The following MYO5B variants were observed in gnomAD, a reference collection of about 807,000 sequenced individuals.
MYO5B encodes myosin VB.
MYO5B carries 143 observed loss-of-function variants against 229.3 expected under a neutral mutation model. The observed-to-expected ratio is 0.62, with a 90% CI of 0.54 to 0.72. MYO5B has a LOEUF of 0.72. Ranked by LOEUF, MYO5B falls within the 30% of genes least tolerant of loss-of-function variation. The pLI, the probability that MYO5B is intolerant of heterozygous loss-of-function variation, is 0.00. For synonymous variants in MYO5B, 918 were observed against 885.2 expected, an observed-to-expected ratio of 1.04 and a Z score of -0.66; for missense variants, 2,321 against 2,331.0, an observed-to-expected ratio of 1.00 and a Z score of 0.09.
chr18:50,139,726 A>G (rs933450620), intron 1 of MYO5B, among the ~76,000 whole-genome samples: 4 of 152,258 alleles, frequency 2.6e-5, no homozygotes, highest in Middle Eastern at 3.4e-3. Flanking sequence ...TTCTATCCAC[A>G]TGTCCCGAGA....
chr18:50,176,507 T>C (rs577125631), intron 1 of MYO5B, among the ~76,000 whole-genome samples: 66 of 152,320 alleles, frequency 4.3e-4, no homozygotes, highest in Non-Finnish European at 7.1e-4. Flanking sequence ...GCTGTAAAAA[T>C]AGTTGCCACT....
rs758453555 is a variant in MYO5B, at chr18:50,040,331, A to G, written c.139-17T>C. On this transcript the variant is annotated splice_polypyrimidine_tract_variant and intron_variant, in intron 2 of 39. Transcript: ENST00000285039. ...TTCCAGAATCTAAAGACATGCAAGTAGCAGACACAAAAAGGTGGTTATGAA... is the reference window on the plus strand; with the variant it reads ...TTCCAGAATCTAAAGACATGCAAGTGGCAGACACAAAAAGGTGGTTATGAA... The G allele has an allele frequency of 3.7e-6, 6 of 1,613,308 alleles. No homozygotes were observed. In the Middle Eastern group the frequency reaches 8.3e-4, roughly 222 times the overall value.
At position 49,822,876 on chromosome 18, in the gene MYO5B, C is replaced by A. The variant is rs1208467256; in HGVS notation, c.*3595G>T. Reference sequence around the variant, plus strand: ...CAGCTAAATATTACAGTGACTATTACAAGCATTTTTCTATAAACAAAGGTG... The same window carrying A: ...CAGCTAAATATTACAGTGACTATTAAAAGCATTTTTCTATAAACAAAGGTG... On this transcript the variant is annotated 3_prime_UTR_variant, in exon 40 of 40. Transcript: ENST00000285039. The A allele has an allele frequency of 6.6e-6, 1 of 152,210 alleles. No individual in the cohort carries two copies. Among genetic ancestry groups the A allele is most frequent in the Non-Finnish European group, 1.5e-5 (1 of 68,036 alleles). The allele number at this position is 152,210 out of a possible 1,614,324, so 9.4% of individuals were successfully genotyped here. A position where few individuals can be genotyped will look rare whatever the true frequency, so the allele number is the denominator to read the frequency against.
intron 14 of MYO5B, among the ~76,000 whole-genome samples, chr18:49,939,604 C>T (rs1341709392): frequency 1.3e-5 from 2 of 152,170 alleles, no homozygotes; most frequent in African/African-American, 2.4e-5. Flanking sequence ...GGAGAAGGAA[C>T]CTACCGGAAT....
At chr18:50,129,512 A>C (rs1373451465) in intron 1 of MYO5B, among the ~76,000 whole-genome samples, 1 of 152,208 alleles carries the variant, frequency 6.6e-6, no homozygotes, top group Non-Finnish European at 1.5e-5. Flanking sequence ...ACGAGCTAAT[A>C]CCAGAGATGT....
At chr18:49,900,458 C>G (rs2144140278) in intron 21 of MYO5B, among the ~76,000 whole-genome samples, 1 of 152,302 alleles carries the variant, frequency 6.6e-6, no homozygotes, top group East Asian at 1.9e-4. Flanking sequence ...AGAACTAACA[C>G]AGAGAAACAC....
chr18:49,846,729 G>A (rs2024132254), intron 33 of MYO5B, among the ~76,000 whole-genome samples: 1 of 152,122 alleles, frequency 6.6e-6, no homozygotes, highest in South Asian at 2.1e-4. Flanking sequence ...TTAAAGGGAG[G>A]TTGTGAGGAT....
chr18:50,040,672 T>A (rs1197651746), intron 2 of MYO5B, among the ~76,000 whole-genome samples: 1 of 152,182 alleles, frequency 6.6e-6, no homozygotes, highest in Admixed American at 6.5e-5. Flanking sequence ...TTGCTGGTAC[T>A]TCATACACTC....
In MYO5B at chr18:49,932,932, C is replaced by T. The variant is rs199955967; in HGVS notation, c.2003+3320G>A. Among the ~76,000 whole-genome samples the T allele has an allele frequency of 1.1e-4, 16 of 152,250 alleles. 1 individual carries two copies. The South Asian group carries it at 1.5e-3, about 14-fold the overall frequency. ...CTCCTTCTATTAAATCTTGGAGGAC[C>T]ATAGCAAGGACAATTAACATAGAAA... On this transcript the variant is annotated intron_variant, in intron 16 of 39. Coordinates refer to ENST00000285039, the MANE Select transcript of MYO5B (RefSeq NM_001080467.3).
intron 1 of MYO5B, among the ~76,000 whole-genome samples, chr18:50,074,030 G>A (rs1330459300): frequency 6.6e-6 from 1 of 152,090 alleles, no homozygotes; most frequent in African/African-American, 2.4e-5. Context: ...ATGTGTATTA[G>A]TCCATTTTCA....
intron 13 of MYO5B, 40 bp downstream of exon 13, chr18:49,954,273 G>A (rs1378874020): frequency 6.2e-7 from 1 of 1,612,184 alleles, no homozygotes; most frequent in Admixed American, 1.7e-5. Flanking sequence ...ACTTAGAGAG[G>A]GGCCAAGGGA....
rs1444188432 is a variant in MYO5B, at chr18:50,078,047, A to C, written c.28-22669T>G. Reference sequence around the variant, plus strand: ...TGAGGAATCAAGATGACAACACAGAAGCTAGGTCAATACTGGAATCCTAGG... The same window carrying C: ...TGAGGAATCAAGATGACAACACAGACGCTAGGTCAATACTGGAATCCTAGG... On this transcript the variant is annotated intron_variant, in intron 1 of 39. Transcript: ENST00000285039. Among the ~76,000 whole-genome samples the C allele has an allele frequency of 2.0e-5, 3 of 152,238 alleles. No individual in the cohort carries two copies. The South Asian group carries it at 6.2e-4, about 32-fold the overall frequency.
In MYO5B at chr18:50,001,533, C is replaced by T. The variant is rs117981729; in HGVS notation, c.456-122G>A. On this transcript the variant is annotated intron_variant, in intron 4 of 39. Transcript: ENST00000285039. ...CATCTCTCCTACTTTAATGGATAAA[C>T]GCAGAGGAACAGTGTAAAAATAGTC... 8.6e-4 allele frequency: 1,025 copies of T among 1,197,238 alleles called. 7 individuals carry two copies. The East Asian group carries it at 0.016, about 19-fold the overall frequency. 74.2% of individuals were successfully genotyped at this position (1,197,238 alleles called of 1,614,324 possible).
At chr18:49,983,608 C>G (rs758351192) in intron 8 of MYO5B, among the ~76,000 whole-genome samples, 13 of 152,242 alleles carry the variant, frequency 8.5e-5, no homozygotes, top group Admixed American at 2.0e-4. Flanking sequence ...GTACCTGCTA[C>G]TTCTGGACCC....
intron 2 of MYO5B, among the ~76,000 whole-genome samples, chr18:50,043,392 TTTAA>T (rs2030100625): frequency 5.7e-5 from 4 of 70,678 alleles, no homozygotes; most frequent in Non-Finnish European, 1.1e-4. Context: ...ATTAAATATA[TTTAA>T]ATATATTAAA....
intron 1 of MYO5B, among the ~76,000 whole-genome samples, chr18:50,056,361 T>C (rs1172770293): frequency 6.6e-6 from 1 of 152,164 alleles, no homozygotes; most frequent in Non-Finnish European, 1.5e-5. Context: ...TGAGGTGACA[T>C]AAAAGCTCCC....
intron 2 of MYO5B, among the ~76,000 whole-genome samples, chr18:50,054,528 T>A (rs1032105343): frequency 2.0e-5 from 3 of 152,134 alleles, no homozygotes; most frequent in Non-Finnish European, 4.4e-5. Context: ...TGGCACAGCA[T>A]ATAGGGTGAG....
chr18:50,111,259 T>C (rs2031859496), intron 1 of MYO5B, among the ~76,000 whole-genome samples: 1 of 152,242 alleles, frequency 6.6e-6, no homozygotes, highest in African/African-American at 2.4e-5. Flanking sequence ...TTATAATCTG[T>C]AGCATTTTTT....
At chr18:49,885,071 G>C (rs2024628187) in intron 22 of MYO5B, among the ~76,000 whole-genome samples, 1 of 152,122 alleles carries the variant, frequency 6.6e-6, no homozygotes, top group Admixed American at 6.5e-5. Context: ...AAACACTCTG[G>C]CAATTCCTCA....
Sources: gnomAD v4.1 joint callset for allele counts (sites outside exome capture counted in the v4.1 genomes callset) on GRCh38, gnomAD v4.1.1 for gene constraint, MANE v1.5 for transcripts, NCBI Gene and HGNC (gene_info 2026-07-23, HGNC 2026-07-21) for gene names.